MDC1: variants seen among roughly 807,000 people sequenced by gnomAD.
MDC1 encodes the protein mediator of DNA damage checkpoint protein 1.
A neutral mutation model predicts 142.5 loss-of-function variants in MDC1; 81 were observed. That is an observed-to-expected ratio of 0.57 (90% CI 0.47 to 0.68). The LOEUF is 0.68. MDC1 is among the 30% of genes least tolerant of loss of function. The pLI is 0.00. For synonymous variants in MDC1, 797 were observed against 968.4 expected (o/e 0.82, Z 3.29); for missense variants, 2,119 against 2,547.9 (o/e 0.83, Z 3.62).
rs751090753 is a variant in MDC1, at chr6:30,704,841, C to A, written c.4342G>T (p.Val1448Phe). The A allele has an allele frequency of 3.8e-6, 6 of 1,594,424 alleles. No individual in the cohort carries two copies. The Admixed American group carries it at 8.6e-5, about 23-fold the overall frequency. The change falls in exon 10 of 15, where the codon GTT (valine) becomes TTT (phenylalanine). Residue 1448 changes from valine to phenylalanine, a missense_variant. Val to Phe is a conservative substitution (Grantham distance 50). Coordinates refer to ENST00000376406, the MANE Select transcript of MDC1 (RefSeq NM_014641.3). ...NRSSVKTPET[V>F]VPTAPELQPS... ...TGGAGCTCAGGGGCTGTGGGGACAA[C>A]TGTTTCAGGGGTCTTCACAGAGGAC... is the stretch of plus-strand genomic sequence containing the variant.
Position 30,701,674 on chromosome 6 carries a change from T to C in MDC1, c.6102+879A>G, listed in dbSNP as rs189322025. ...AGGTGTGGCAGTATGTGGACCTTAT[T>C]TGAATCCTGATTTGAACAACTGTAT... On this transcript the variant is annotated intron_variant, in intron 14 of 14. Coordinates refer to ENST00000376406, the MANE Select transcript of MDC1 (RefSeq NM_014641.3). Among the ~76,000 whole-genome samples the C allele has an allele frequency of 3.0e-3, 457 of 152,292 alleles. 4 individuals are homozygous for C. The highest frequency in any genetic ancestry group is 0.01 in the African/African-American group (430 of 41,554).
rs1316478659 is a variant in MDC1, at chr6:30,712,042, C to T, written c.1900G>A (p.Val634Met). The T allele has an allele frequency of 6.3e-7, 1 of 1,592,814 alleles. No homozygotes were observed. Among genetic ancestry groups the T allele is most frequent in the Non-Finnish European group, 8.5e-7 (1 of 1,170,004 alleles). The change falls in exon 5 of 15, where the codon GTG becomes ATG. Residue 634 changes from valine (V) to methionine (M), a missense_variant. Coordinates refer to ENST00000376406, the MANE Select transcript of MDC1 (RefSeq NM_014641.3). The surrounding 1 kb of genome is among the most constrained non-coding windows in gnomAD (Gnocchi z 4.7). ...CTTGAGATAGGGAGGTCCTGCTCCA[C>T]TTGTGCCACAGGTGGCCCACCCTGG... is the stretch of plus-strand genomic sequence containing the variant. Reference protein sequence around the residue: ...GAQGGPPVAQVEQDLPISREN... With the variant: ...GAQGGPPVAQMEQDLPISREN...
At position 30,715,077 on chromosome 6, in the gene MDC1, C is replaced by A; in HGVS notation, c.99G>T (p.Arg33=). 6.2e-7 allele frequency: 1 copy of A among 1,614,196 alleles called. No individual in the cohort carries two copies. The highest frequency in any genetic ancestry group is 1.1e-5 in the South Asian group (1 of 91,080). ...SLRCNVEPVG[R]LHIFSGAHGP... is the part of the protein sequence containing the mutation. Reference sequence around the variant, plus strand: ...CATGGGCACCACTAAAGATATGTAGCCGCCCTACTGGCTCCACGTTACACC... The same window carrying A: ...CATGGGCACCACTAAAGATATGTAGACGCCCTACTGGCTCCACGTTACACC... Residue 33 remains arginine, a synonymous_variant, in exon 2 of 15, where the codon CGG becomes CGT. Coordinates refer to ENST00000376406, the MANE Select transcript of MDC1 (RefSeq NM_014641.3). The surrounding 1 kb of genome is among the most constrained non-coding windows in gnomAD (Gnocchi z 4.1).
chr6:30,706,441 GA>G (rs1773834377), intron 9 of MDC1, among the ~76,000 whole-genome samples: 1 of 151,936 alleles, frequency 6.6e-6, no homozygotes, highest in African/African-American at 2.4e-5. Context: ...CTAACACGGT[GA>G]AACCCCGTCT....
chr6:30,711,938 G>C lies in MDC1; in HGVS notation c.2004C>G (p.Val668=). 2 of 1,553,684 alleles carry C rather than the reference G, an allele frequency of 1.3e-6. No homozygotes were observed. Among genetic ancestry groups the C allele is most frequent in the South Asian group, 1.2e-5 (1 of 80,788 alleles). ...GTTGTTCTCTCTCCCTTCCTGTGGG[G>C]ACCTGGGCTCCCTCTCTCTGTGGCT... ...STQPQREGAQ[V]PTGREREQHV... is the part of the protein sequence containing the mutation. The change falls in exon 5 of 15, where the codon GTC becomes GTG. Residue 668 remains valine, a synonymous_variant. Coordinates refer to ENST00000376406, the MANE Select transcript of MDC1 (RefSeq NM_014641.3).
intron 14 of MDC1, among the ~76,000 whole-genome samples, chr6:30,701,485 A>G (rs1772684041): frequency 6.6e-6 from 1 of 152,238 alleles, no homozygotes; most frequent in Admixed American, 6.5e-5. Flanking sequence ...AATATGGAGT[A>G]CAGAGGAACA....
At chr6:30,714,686 T>C (rs2127725567) in intron 2 of MDC1, among the ~76,000 whole-genome samples, 1 of 152,182 alleles carries the variant, frequency 6.6e-6, no homozygotes, top group African/African-American at 2.4e-5. Context: ...TGGCTAATTT[T>C]TAAATTTTTC....
In MDC1 at chr6:30,712,275, A is replaced by C; in HGVS notation, c.1667T>G (p.Val556Gly). ...EGTNQTDVKAVGGPAKLLVVS... is the reference protein window; with the variant it reads ...EGTNQTDVKAGGGPAKLLVVS... ...CACAAGCAGCTTTGCTGGTCCCCCA[A>C]CTGCTTTCACATCTGTTTGATTTGT... Residue 556 changes from valine to glycine, a missense_variant, in exon 5 of 15, where the codon GTT (valine) becomes GGT (glycine). Coordinates refer to ENST00000376406, the MANE Select transcript of MDC1 (RefSeq NM_014641.3). This position sits in a 1 kb window ranked among gnomAD's most constrained non-coding sequence, Gnocchi z 4.7. The C allele has an allele frequency of 6.2e-7, 1 of 1,612,998 alleles. No homozygotes were observed. Among genetic ancestry groups the C allele is most frequent in the South Asian group, 1.1e-5 (1 of 91,072 alleles).
rs1434740790 is a variant in MDC1, at chr6:30,709,573, T to C, written c.2222-1216A>G. On this transcript the variant is annotated intron_variant, in intron 7 of 14. Transcript: ENST00000376406. This position sits in a 1 kb window ranked among gnomAD's most constrained non-coding sequence, Gnocchi z 4.2. The stretch of plus-strand genomic sequence containing the variant: ...GAAATACACAATAAATTATTAACTA[T>C]AGTAACACTACTGTGGAACTGAACA... Among the ~76,000 whole-genome samples the C allele has an allele frequency of 1.3e-5, 2 of 152,254 alleles. No individual in the cohort carries two copies. The highest frequency in any genetic ancestry group is 2.4e-5 in the African/African-American group (1 of 41,478).
At position 30,703,771 on chromosome 6, in the gene MDC1, C is replaced by A; in HGVS notation, c.5412G>T (p.Gln1804His). The A allele has an allele frequency of 6.4e-7, 1 of 1,569,374 alleles. No homozygotes were observed. ...TCTTGCGGCTTTGAGAGGCCTTAGG[C>A]TGGAGCTCCGGGGTGAACCTAGATC... ...AGRSRFTPEL[Q>H]PKASQSRKRS... The change falls in exon 10 of 15, where the codon CAG (glutamine) becomes CAT (histidine). Residue 1804 changes from glutamine (Q) to histidine (H), a missense_variant. Coordinates refer to ENST00000376406, the MANE Select transcript of MDC1 (RefSeq NM_014641.3). The surrounding 1 kb of genome is among the most constrained non-coding windows in gnomAD (Gnocchi z 4.4).
In MDC1 at chr6:30,715,094, C is replaced by T. The variant is rs763377150; in HGVS notation, c.82G>A (p.Val28Met). Residue 28 changes from valine (V) to methionine (M), a missense_variant, in exon 2 of 15, where the codon GTG becomes ATG. By Grantham distance (21) the Val-to-Met change is conservative. Coordinates refer to ENST00000376406, the MANE Select transcript of MDC1 (RefSeq NM_014641.3). The surrounding 1 kb of genome is among the most constrained non-coding windows in gnomAD (Gnocchi z 4.1). ...EQSSESLRCN[V>M]EPVGRLHIFS... ...ATATGTAGCCGCCCTACTGGCTCCA[C>T]GTTACACCTCAAGGATTCACTGGAT... is the stretch of plus-strand genomic sequence containing the variant. The T allele has an allele frequency of 1.9e-6, 3 of 1,614,208 alleles. No homozygotes were observed. In the East Asian group the frequency reaches 6.7e-5, roughly 36 times the overall value.
In MDC1 at chr6:30,705,879, G is replaced by A. The variant is rs867542960; in HGVS notation, c.3304C>T (p.His1102Tyr). Residue 1102 changes from histidine (H) to tyrosine (Y), a missense_variant, in exon 10 of 15, where the codon CAC becomes TAC. His to Tyr is a moderately conservative substitution (Grantham distance 83). Transcript: ENST00000376406. Reference protein sequence around the residue: ...APLSSELEPFHPKPKIRTRKS... With the variant: ...APLSSELEPFYPKPKIRTRKS... ...CGAGTTCTAATTTTAGGCTTTGGGT[G>A]GAAAGGCTCCAGCTCTGAGGACAAG... is the stretch of plus-strand genomic sequence containing the variant. 2 of 1,611,084 alleles carry A rather than the reference G, an allele frequency of 1.2e-6. No homozygotes were observed. Among genetic ancestry groups the A allele is most frequent in the Non-Finnish European group, 1.7e-6 (2 of 1,178,736 alleles).
chr6:30,702,280 A>AAAAAAAAAG (rs1562073140), intron 14 of MDC1, among the ~76,000 whole-genome samples: 1 of 132,460 alleles, frequency 7.5e-6, no homozygotes, highest in Non-Finnish European at 1.7e-5. Flanking sequence ...AAAAAAAAAA[A>AAAAAAAAAG]AGAAAATCAA....
Position 30,705,246 on chromosome 6 carries a change from T to C in MDC1, c.3937A>G (p.Arg1313Gly). ...PKPTSRTTRS[R>G]TNMSSVKTPE... ...GTCTTGACAGAGGACATATTTGTCCTGCTCCTAGTGGTCCGAGATGTGGGC... is the reference window on the plus strand; with the variant it reads ...GTCTTGACAGAGGACATATTTGTCCCGCTCCTAGTGGTCCGAGATGTGGGC... The change falls in exon 10 of 15, where the codon AGG becomes GGG. Residue 1313 changes from arginine (R) to glycine (G), a missense_variant. By Grantham distance (125) the Arg-to-Gly change is moderately radical (BLOSUM62 -2). Coordinates refer to ENST00000376406, the MANE Select transcript of MDC1 (RefSeq NM_014641.3). 6.2e-7 allele frequency: 1 copy of C among 1,600,810 alleles called. No individual in the cohort carries two copies. The highest frequency in any genetic ancestry group is 8.5e-7 in the Non-Finnish European group (1 of 1,174,762).
In MDC1 at chr6:30,706,043, G is replaced by A. The variant is rs967648498; in HGVS notation, c.3140C>T (p.Ala1047Val). ...AGAGTTAAGGGGCTTTTGGGGTGGG[G>A]CTGGGGCTTCAGGTACTGTAGGAGG... Reference protein sequence around the residue: ...CLPPTVPEAPAPPQKPLNSQS... With the variant: ...CLPPTVPEAPVPPQKPLNSQS... The change falls in exon 10 of 15, where the codon GCC becomes GTC. Residue 1047 changes from alanine (A) to valine (V), a missense_variant. Transcript: ENST00000376406. 3.1e-6 allele frequency: 5 copies of A among 1,601,760 alleles called. No individual in the cohort carries two copies. The highest frequency in any genetic ancestry group is 1.3e-5 in the African/African-American group (1 of 74,780).
Position 30,704,608 on chromosome 6 carries a change from C to G in MDC1, c.4575G>C (p.Lys1525Asn). The change falls in exon 10 of 15, where the codon AAG becomes AAC. Residue 1525 changes from lysine to asparagine, a missense_variant. Lys to Asn is a moderately conservative substitution (Grantham distance 94). Transcript: ENST00000376406. ...TRGRKNRSSV[K>N]TPETVVPAAP... ...CTGCGGGCACAACTGTTTCAGGGGT[C>G]TTGACAGAGGACCGATTTTTTCTTC... The G allele has an allele frequency of 6.2e-7, 1 of 1,608,708 alleles. No homozygotes were observed. Among genetic ancestry groups the G allele is most frequent in the South Asian group, 1.1e-5 (1 of 90,738 alleles).
Position 30,713,609 on chromosome 6 carries a change from C to A in MDC1, c.587+39G>T, listed in dbSNP as rs1443116312. 1.9e-6 allele frequency: 3 copies of A among 1,582,708 alleles called. No homozygotes were observed. The highest frequency in any genetic ancestry group is 2.6e-6 in the Non-Finnish European group (3 of 1,155,464). ...GATCCTCCAGCCCCTGGTTCTTCCTCATTTTGAAGACTCAGGTGTCTGACT... is the reference window on the plus strand; with the variant it reads ...GATCCTCCAGCCCCTGGTTCTTCCTAATTTTGAAGACTCAGGTGTCTGACT... On this transcript the variant is annotated intron_variant, in intron 4 of 14. Coordinates refer to ENST00000376406, the MANE Select transcript of MDC1 (RefSeq NM_014641.3). This position sits in a 1 kb window ranked among gnomAD's most constrained non-coding sequence, Gnocchi z 4.9.
Position 30,702,681 on chromosome 6 carries a change from T to C in MDC1, c.5992-18A>G, listed in dbSNP as rs772002303. 2 of 1,610,832 alleles carry C rather than the reference T, an allele frequency of 1.2e-6. No individual in the cohort carries two copies. The highest frequency in any genetic ancestry group is 2.2e-5 in the East Asian group (1 of 44,850). The stretch of plus-strand genomic sequence containing the variant: ...TCATAGCCCTAAGAGAAAGAAATGA[T>C]GGAGATGGTATTGTAGATTGGGAAG... On this transcript the variant is annotated intron_variant, in intron 13 of 14. Transcript: ENST00000376406.
intron 14 of MDC1, among the ~76,000 whole-genome samples, chr6:30,700,966 G>A (rs1425949606): frequency 1.3e-5 from 2 of 151,140 alleles, no homozygotes; most frequent in African/African-American, 2.4e-5. Flanking sequence ...CCAGCTACTC[G>A]GGAGGCTGGG....
Sources: gnomAD v4.1 joint callset for allele counts (sites outside exome capture counted in the v4.1 genomes callset) on GRCh38, gnomAD v4.1.1 for gene constraint, Gnocchi (gnomAD v3.1) non-coding constraint, MANE v1.5 for transcripts, NCBI Gene and HGNC (gene_info 2026-07-23, HGNC 2026-07-21) for gene names.